DZIP3: variants seen among roughly 807,000 people sequenced by gnomAD.
DZIP3 encodes E3 ubiquitin-protein ligase DZIP3.
In DZIP3, 118 loss-of-function variants were observed where a neutral mutation model predicts 162.0. The observed-to-expected ratio is 0.73, with a 90% CI of 0.63 to 0.85. DZIP3 has a LOEUF of 0.85. Ranked by LOEUF, DZIP3 falls within the 40% of genes least tolerant of loss-of-function variation. The probability of loss-of-function intolerance (pLI) is 0.00; values close to 1 mark genes in which losing one functional copy is unlikely to be tolerated. For missense variants in DZIP3, 1,331 were observed against 1,407.0 expected (o/e 0.95, Z 0.86); for synonymous variants, 438 against 458.6 (o/e 0.96, Z 0.57).
intron 8 of DZIP3, among the ~76,000 whole-genome samples, chr3:108,631,728 C>A (rs1273971600): frequency 6.6e-6 from 1 of 150,690 alleles, no homozygotes; most frequent in Non-Finnish European, 1.5e-5. Context: ...TTCTAATCAA[C>A]TTCTAAGAAA....
chr3:108,631,047 A>ACTCT (rs1206915511), intron 8 of DZIP3, among the ~76,000 whole-genome samples: 767 of 71,708 alleles, frequency 0.011, 7 homozygotes, highest in Non-Finnish European at 0.016. Flanking sequence ...ACACACACAC[A>ACTCT]CACACACACT....
chr3:108,692,404 C>T (rs1944732634), intron 32 of DZIP3, among the ~76,000 whole-genome samples: 2 of 152,118 alleles, frequency 1.3e-5, no homozygotes, highest in Non-Finnish European at 2.9e-5. Flanking sequence ...TCTACACTAA[C>T]ATAAGCCCAC....
chr3:108,633,819 CAG>C (rs1176665312), intron 9 of DZIP3, among the ~76,000 whole-genome samples: 1 of 103,914 alleles, frequency 9.6e-6, no homozygotes, highest in Admixed American at 9.2e-5. Flanking sequence ...CTGGATCTAT[CAG>C]AGTACTTCTG....
intron 9 of DZIP3, among the ~76,000 whole-genome samples, chr3:108,633,727 C>G (rs1295372598): frequency 2.5e-5 from 3 of 121,614 alleles, no homozygotes; most frequent in Non-Finnish European, 5.3e-5. Flanking sequence ...AGATCTCTCT[C>G]TCTCTGGATC....
intron 26 of DZIP3, among the ~76,000 whole-genome samples, chr3:108,682,802 A>G (rs9863861): frequency 0.02 from 3,059 of 150,874 alleles, 319 homozygotes; most frequent in African/African-American, 0.073. Context: ...GAAGTGATGA[A>G]TATGCCAATT....
intron 21 of DZIP3, among the ~76,000 whole-genome samples, chr3:108,662,680 A>G (rs1576439550): frequency 1.3e-5 from 2 of 152,224 alleles, no homozygotes; most frequent in East Asian, 3.9e-4. Context: ...ATTGAAAACA[A>G]ATCTTTTTGT....
At chr3:108,602,337 G>A (rs1940066649) in intron 1 of DZIP3, among the ~76,000 whole-genome samples, 1 of 152,184 alleles carries the variant, frequency 6.6e-6, no homozygotes, top group African/African-American at 2.4e-5. Flanking sequence ...AGTTCAGGTA[G>A]AAGGAACAGT....
Position 108,654,218 on chromosome 3 carries a change from A to C in DZIP3, c.2107A>C (p.Lys703Gln), listed in dbSNP as rs1943007371. Residue 703 changes from lysine to glutamine, a missense_variant, in exon 19 of 33, where the codon AAA becomes CAA. Transcript: ENST00000361582. The part of the protein sequence containing the change: ...ANPHSVSRLI[K>Q]DDASDVQEDS... ...TCCACACTCAGTCAGTAGACTTATA[A>C]AAGATGATGCAAGTGATGTTCAAGA... 6.2e-7 allele frequency: 1 copy of C among 1,613,702 alleles called. No homozygotes were observed. Among genetic ancestry groups the C allele is most frequent in the South Asian group, 1.1e-5 (1 of 91,082 alleles).
intron 1 of DZIP3, among the ~76,000 whole-genome samples, chr3:108,592,241 A>C (rs1406135630): frequency 6.6e-6 from 1 of 152,164 alleles, no homozygotes; most frequent in Non-Finnish European, 1.5e-5. Flanking sequence ...GATACAAAAT[A>C]GGTGACAAAT....
intron 32 of DZIP3, chr3:108,691,425 G>A (rs537671836): frequency 6.3e-4 from 95 of 150,620 alleles, no homozygotes; most frequent in African/African-American, 2.3e-3. Context: ...AAAAAAAGAA[G>A]TGGATATTCA....
chr3:108,619,270 G>C (rs563670584), intron 5 of DZIP3, among the ~76,000 whole-genome samples: 1 of 150,998 alleles, frequency 6.6e-6, no homozygotes, highest in South Asian at 2.1e-4. Flanking sequence ...GGTTTTTGCT[G>C]TGTGTGTGTA....
At chr3:108,676,135 G>A (rs1944100482) in intron 25 of DZIP3, among the ~76,000 whole-genome samples, 1 of 151,984 alleles carries the variant, frequency 6.6e-6, no homozygotes, top group Admixed American at 6.6e-5. Context: ...GAATTTCAAA[G>A]CTAACAGTGC....
At chr3:108,608,460 T>G (rs1444517120) in intron 3 of DZIP3, among the ~76,000 whole-genome samples, 1 of 152,166 alleles carries the variant, frequency 6.6e-6, no homozygotes, top group East Asian at 1.9e-4. Flanking sequence ...ATTTGTTTTT[T>G]GAAGGGGAAA....
chr3:108,597,269 T>C (rs1191235603), intron 1 of DZIP3, among the ~76,000 whole-genome samples: 1 of 152,246 alleles, frequency 6.6e-6, no homozygotes, highest in Non-Finnish European at 1.5e-5. Flanking sequence ...TTTTTATACA[T>C]TTCACAGCAT....
chr3:108,605,931 T>A (rs528805291), intron 2 of DZIP3, among the ~76,000 whole-genome samples: 17 of 152,296 alleles, frequency 1.1e-4, no homozygotes, highest in Admixed American at 2.0e-4. Flanking sequence ...GGTTAGTGGG[T>A]GATGTAGACT....
At chr3:108,655,230 A>G (rs993373608) in intron 19 of DZIP3, among the ~76,000 whole-genome samples, 1 of 152,204 alleles carries the variant, frequency 6.6e-6, no homozygotes, top group Non-Finnish European at 1.5e-5. Flanking sequence ...ATATTGTGTC[A>G]AGAGCTATGC....
At position 108,598,693 on chromosome 3, in the gene DZIP3, G is replaced by A. The variant is rs141183717; in HGVS notation, c.-72-6642G>A. Among the ~76,000 whole-genome samples the A allele has an allele frequency of 1.3e-3, 199 of 152,212 alleles. 1 individual carries two copies. The Middle Eastern group carries it at 0.014, about 10-fold the overall frequency. ...CTATTTGATTACCATCTCTGCGTGC[G>A]TTATGTCTCAGGATTCTCCCTTCTT... On this transcript the variant is annotated intron_variant, in intron 1 of 32. Transcript: ENST00000361582.
In DZIP3 at chr3:108,629,039, CCTT is replaced by C. The variant is rs1381970865; in HGVS notation, c.582-22_582-20del. 2 of 1,484,386 alleles carry C rather than the reference CCTT, an allele frequency of 1.3e-6. No homozygotes were observed. The highest frequency in any genetic ancestry group is 1.3e-5 in the South Asian group (1 of 79,984). 92.0% of individuals were successfully genotyped at this position (1,484,386 alleles called of 1,614,324 possible). A position where few individuals can be genotyped will look rare whatever the true frequency, so the allele number is the denominator to read the frequency against. ...ATCTACACAGTCCCGTTCAAACTAACCTTATTTTAAAATGCCTTTCAGATATAA... is the reference window on the plus strand; with the variant it reads ...ATCTACACAGTCCCGTTCAAACTAACATTTTAAAATGCCTTTCAGATATAA... On this transcript the variant is annotated intron_variant, in intron 7 of 32. Transcript: ENST00000361582.
At chr3:108,648,718 C>T (rs1260243008) in intron 16 of DZIP3, 200 bp from the exon 17 acceptor site, 2 of 261,546 alleles carry the variant, frequency 7.6e-6, no homozygotes, top group African/African-American at 4.7e-5. Flanking sequence ...CTTTATTCAT[C>T]AGTGATTATT....
Sources: gnomAD v4.1 joint callset for allele counts (sites outside exome capture counted in the v4.1 genomes callset) on GRCh38, gnomAD v4.1.1 for gene constraint, MANE v1.5 for transcripts, NCBI Gene and HGNC (gene_info 2026-07-23, HGNC 2026-07-21) for gene names.